TANC2: variants seen among roughly 807,000 people sequenced by gnomAD.
The protein encoded by TANC2 is tetratricopeptide repeat, ankyrin repeat and coiled-coil containing 2.
In TANC2, 26 loss-of-function variants were observed where a neutral mutation model predicts 210.5. That is an observed-to-expected ratio of 0.12 (90% confidence interval 0.09 to 0.17). TANC2 has a LOEUF of 0.17. Among genes scored for constraint, TANC2 ranks in the 10% least tolerant of loss-of-function variants. The pLI, the probability that TANC2 is intolerant of heterozygous loss-of-function variation, is 1.00. For synonymous variants in TANC2, 931 were observed against 967.1 expected, an observed-to-expected ratio of 0.96 and a Z score of 0.69; for missense variants, 2,129 against 2,608.9, an observed-to-expected ratio of 0.82 and a Z score of 4.01.
At chr17:63,196,740 T>G (rs2041358378) in intron 6 of TANC2, among the ~76,000 whole-genome samples, 1 of 152,204 alleles carries the variant, frequency 6.6e-6, no homozygotes, top group Non-Finnish European at 1.5e-5. Flanking sequence ...GAGCTTTATA[T>G]TTTTCATAGG....
intron 1 of TANC2, among the ~76,000 whole-genome samples, chr17:63,007,060 T>TAAA: frequency 6.7e-6 from 1 of 149,220 alleles, no homozygotes; most frequent in Non-Finnish European, 1.5e-5. Context: ...ACCCCATCTT[T>TAAA]AAAAAAAAAA....
At chr17:63,333,198 G>A (rs370542174) in intron 11 of TANC2, among the ~76,000 whole-genome samples, 1 of 152,024 alleles carries the variant, frequency 6.6e-6, no homozygotes, top group East Asian at 1.9e-4. Flanking sequence ...GATGGATCTG[G>A]GCAAAGTAAA....
At chr17:63,233,426 G>C (rs1327919553) in intron 7 of TANC2, among the ~76,000 whole-genome samples, 1 of 152,192 alleles carries the variant, frequency 6.6e-6, no homozygotes, top group Non-Finnish European at 1.5e-5. Context: ...TCTTGGGCAG[G>C]GTAACACAAT....
chr17:63,038,104 C>A (rs2035045518), intron 2 of TANC2, among the ~76,000 whole-genome samples: 1 of 152,020 alleles, frequency 6.6e-6, no homozygotes, highest in Non-Finnish European at 1.5e-5. Context: ...GTTTCCTGAG[C>A]GTTGGCTGGG....
intron 27 of TANC2, 25 bp from the exon 28 acceptor site, chr17:63,419,974 C>A: frequency 6.6e-7 from 1 of 1,515,020 alleles, no homozygotes; most frequent in South Asian, 1.3e-5. Context: ...AACTCCAGTT[C>A]CTGTGTTCAC....
intron 3 of TANC2, among the ~76,000 whole-genome samples, chr17:63,097,947 A>G (rs1212028194): frequency 2.0e-5 from 3 of 152,128 alleles, no homozygotes; most frequent in African/African-American, 7.2e-5. Context: ...ATCTACATTT[A>G]CATCTATTTA....
At chr17:63,234,963 T>A (rs2042580593) in intron 7 of TANC2, among the ~76,000 whole-genome samples, 2 of 152,150 alleles carry the variant, frequency 1.3e-5, no homozygotes. Flanking sequence ...TATAAGGTGA[T>A]AAGTATGAAT....
intron 5 of TANC2, among the ~76,000 whole-genome samples, chr17:63,174,675 AAT>A (rs1429449768): frequency 6.6e-6 from 1 of 151,888 alleles, no homozygotes; most frequent in African/African-American, 2.4e-5. Context: ...ACATTACATA[AAT>A]ATGTTTGTAT....
intron 2 of TANC2, among the ~76,000 whole-genome samples, chr17:63,039,235 A>C (rs2035090203): frequency 6.6e-6 from 1 of 152,172 alleles, no homozygotes; most frequent in Admixed American, 6.5e-5. Flanking sequence ...AGAATTTTAG[A>C]AATGTTAGAA....
chr17:63,220,715 A>C (rs79394135), intron 7 of TANC2, among the ~76,000 whole-genome samples: 3 of 138,838 alleles, frequency 2.2e-5, no homozygotes, highest in Non-Finnish European at 4.6e-5. Context: ...AAAAAAAAAA[A>C]AAAAATATAT....
rs985352621 is a variant in TANC2 at position 63,217,529 on chromosome 17, A to G, written c.769+16572A>G. 2.0e-5 allele frequency among the ~76,000 whole-genome samples: 3 copies of G among 152,248 alleles called. No homozygotes were observed. In the East Asian group the frequency reaches 5.8e-4, roughly 29 times the overall value. ...AGATTAAATGGACAAGTTCATTGAAATAAATAAACTATCAGAGCTTACTTG... is the reference window on the plus strand; with the variant it reads ...AGATTAAATGGACAAGTTCATTGAAGTAAATAAACTATCAGAGCTTACTTG... On this transcript the variant is annotated intron_variant, in intron 7 of 27. Transcript: ENST00000689528.
At chr17:63,098,471 CACACACACAT>C (rs1162147052) in intron 3 of TANC2, among the ~76,000 whole-genome samples, 18 of 37,626 alleles carry the variant, frequency 4.8e-4, no homozygotes, top group Non-Finnish European at 7.0e-4. Flanking sequence ...CACACACACA[CACACACACAT>C]ACACTCTCTC....
chr17:63,000,963 A>G (rs2033345964), intron 1 of TANC2, among the ~76,000 whole-genome samples: 1 of 116,038 alleles, frequency 8.6e-6, no homozygotes, highest in Non-Finnish European at 1.7e-5. Context: ...AAGTTTTAGA[A>G]CTAGCAAAAA....
intron 4 of TANC2, among the ~76,000 whole-genome samples, chr17:63,123,996 C>T (rs1414723734): frequency 1.3e-5 from 2 of 152,078 alleles, no homozygotes; most frequent in East Asian, 1.9e-4. Flanking sequence ...CCACAGCGCC[C>T]GGCCATAAGG....
chr17:62,992,473 C>T (rs1372994352), intron 1 of TANC2, among the ~76,000 whole-genome samples: 1 of 152,178 alleles, frequency 6.6e-6, no homozygotes, highest in South Asian at 2.1e-4. Flanking sequence ...AATGAGTATA[C>T]TATTAGTCCA....
intron 5 of TANC2, among the ~76,000 whole-genome samples, chr17:63,184,113 TAAC>T (rs1555599725): frequency 6.6e-6 from 1 of 152,186 alleles, no homozygotes; most frequent in Non-Finnish European, 1.5e-5. Context: ...ATTTAAAACA[TAAC>T]ATATTTCATA....
At chr17:63,189,271 G>A (rs935400014) in intron 5 of TANC2, among the ~76,000 whole-genome samples, 4 of 151,956 alleles carry the variant, frequency 2.6e-5, no homozygotes, top group Non-Finnish European at 5.9e-5. Context: ...AGTTCTTTTG[G>A]GTATATGCCT....
In TANC2 at chr17:63,147,095, C is replaced by T. The variant is rs370966119; in HGVS notation, c.323-4175C>T. The stretch of plus-strand genomic sequence containing the variant: ...GCCTGTAATCCCAGCACTTTGGGAG[C>T]CTGAGGCAGGCAAATCTTTTGAGTC... On this transcript the variant is annotated intron_variant, in intron 4 of 27. Transcript: ENST00000689528. Among the ~76,000 whole-genome samples the T allele has an allele frequency of 1.3e-4, 19 of 151,878 alleles. No homozygotes were observed. The East Asian group carries it at 1.5e-3, about 12-fold the overall frequency.
At chr17:63,340,070 G>A in intron 11 of TANC2, 31 bp from the exon 12 acceptor site, 1 of 1,532,902 alleles carries the variant, frequency 6.5e-7, no homozygotes, top group African/African-American at 1.4e-5. Flanking sequence ...CTACTGATAA[G>A]CCTGTTTGCA....
Sources: allele counts gnomAD v4.1 joint callset (sites outside exome capture counted in the v4.1 genomes callset), GRCh38; gene constraint gnomAD v4.1.1; transcripts MANE v1.5; gene names NCBI Gene and HGNC (gene_info 2026-07-23, HGNC 2026-07-21).